The following TEX15 variants were observed in gnomAD, a reference collection of about 807,000 sequenced individuals.
The protein encoded by TEX15 is testis expressed 15, meiosis and synapsis associated.
A neutral mutation model predicts 237.3 loss-of-function variants in TEX15; 171 were observed. That is an observed-to-expected ratio of 0.72 (90% CI 0.64 to 0.82). The LOEUF (loss-of-function observed/expected upper bound fraction) is 0.82, where lower values mean the gene tolerates loss of function less well. TEX15 is among the 40% of genes least tolerant of loss of function. TEX15 has a pLI of 0.00. For synonymous variants in TEX15, 1,338 were observed against 1,269.8 expected, an observed-to-expected ratio of 1.05 and a Z score of -1.14; for missense variants, 3,750 against 3,646.5, an observed-to-expected ratio of 1.03 and a Z score of -0.73.
Position 30,848,850 on chromosome 8 carries a change from TCTC to T in TEX15, c.1314_1316del (p.Arg439del), listed in dbSNP as rs764165976. 57 of 1,614,048 alleles carry T rather than the reference TCTC, an allele frequency of 3.5e-5. No homozygotes were observed. Among genetic ancestry groups the T allele is most frequent in the Non-Finnish European group, 4.5e-5 (53 of 1,180,046 alleles). ...TACTCTGTTCTCCCATACTTTCTTC[TCTC>T]CTCATCAGTCTTGGGTCTTTGATGG... On this transcript the variant is annotated inframe_deletion, in exon 8 of 11. Transcript: ENST00000643185.
At chr8:30,861,780 A>C (rs1808055623) in intron 5 of TEX15, among the ~76,000 whole-genome samples, 1 of 152,160 alleles carries the variant, frequency 6.6e-6, no homozygotes, top group African/African-American at 2.4e-5. Context: ...TACAGAGAGA[A>C]GCCTAGCTCT....
intron 3 of TEX15, chr8:30,886,955 G>T: frequency 2.5e-6 from 1 of 402,954 alleles, no homozygotes; most frequent in South Asian, 7.8e-5. Flanking sequence ...TCATAAAAAT[G>T]TCCAGGGTTT....
chr8:30,841,084 A>AT (rs1418375506), intron 8 of TEX15, among the ~76,000 whole-genome samples: 2 of 151,978 alleles, frequency 1.3e-5, no homozygotes, highest in African/African-American at 2.4e-5. Context: ...TGTCTGGCTA[A>AT]TTTTTTGTTA....
chr8:30,856,953 C>A (rs1807924718), intron 7 of TEX15, among the ~76,000 whole-genome samples: 1 of 151,892 alleles, frequency 6.6e-6, no homozygotes, highest in Non-Finnish European at 1.5e-5. Context: ...CAGCAAAGGA[C>A]CAGAAACAAA....
chr8:30,905,793 G>T (rs1323916459), intron 1 of TEX15, among the ~76,000 whole-genome samples: 1 of 148,500 alleles, frequency 6.7e-6, no homozygotes, highest in Non-Finnish European at 1.5e-5. Flanking sequence ...ATTCCCAGCT[G>T]CTCGGGATGC....
intron 1 of TEX15, among the ~76,000 whole-genome samples, chr8:30,909,284 T>C (rs1809170481): frequency 6.6e-6 from 1 of 152,076 alleles, no homozygotes; most frequent in Non-Finnish European, 1.5e-5. Context: ...AACAGAGCTA[T>C]GCAAAACTGG....
At chr8:30,888,632 G>A (rs754220694) in intron 2 of TEX15, 23 of 1,289,308 alleles carry the variant, frequency 1.8e-5, no homozygotes, top group African/African-American at 7.6e-5. Context: ...GGTATTTTTC[G>A]TACCATTTCG....
chr8:30,860,059 T>TAAAA lies in TEX15; in HGVS notation c.541-6_541-3dup. 1 of 1,154,852 alleles carries TAAAA rather than the reference T, an allele frequency of 8.7e-7. No homozygotes were observed. The highest frequency in any genetic ancestry group is 1.1e-6 in the Non-Finnish European group (1 of 884,592). 71.5% of individuals were successfully genotyped at this position (1,154,852 alleles called of 1,614,324 possible). A position where few individuals can be genotyped will look rare whatever the true frequency, so the allele number is the denominator to read the frequency against. ...TTTCTTCACTTTTCCAAAGAGAACC[T>TAAAA]AAAAAAAAAAAAGCCAAAAAAAAAG... is the stretch of plus-strand genomic sequence containing the variant. On this transcript the variant is annotated splice_region_variant and splice_polypyrimidine_tract_variant and intron_variant, in intron 5 of 10. Transcript: ENST00000643185.
Position 30,845,543 on chromosome 8 carries a change from T to C in TEX15, c.4624A>G (p.Ser1542Gly), listed in dbSNP as rs1391321312. 2 of 1,613,564 alleles carry C rather than the reference T, an allele frequency of 1.2e-6. No individual in the cohort carries two copies. The highest frequency in any genetic ancestry group is 2.7e-5 in the African/African-American group (2 of 74,910). The change falls in exon 8 of 11, where the codon AGT (serine) becomes GGT (glycine). Residue 1542 changes from serine (S) to glycine (G), a missense_variant. Transcript: ENST00000643185. ...AAGGGCTGATGTTCTTCTGATAAACTTGGATTGCTTACACTGCTATTATAA... is the reference window on the plus strand; with the variant it reads ...AAGGGCTGATGTTCTTCTGATAAACCTGGATTGCTTACACTGCTATTATAA... ...VYYNSSVSNP[S>G]LSEEHQPFSG...
At position 30,858,810 on chromosome 8, in the gene TEX15, ACTGTATTCATAGAAGTACAC is replaced by A; in HGVS notation, c.688_707del (p.Val230CysfsTer8). ...GTTTATCTACAGGCTTTGAAAGGAC[ACTGTATTCATAGAAGTACAC>A]CTGAAAGATGAAAACAGGTTCATGC... On this transcript the variant is annotated frameshift_variant and splice_region_variant, in exon 7 of 11. Transcript: ENST00000643185. LOFTEE classifies it high-confidence loss of function. 1.3e-6 allele frequency: 2 copies of A among 1,534,168 alleles called. No homozygotes were observed. The highest frequency in any genetic ancestry group is 1.7e-6 in the Non-Finnish European group (2 of 1,146,212).
intron 1 of TEX15, among the ~76,000 whole-genome samples, 168 bp downstream of exon 1, chr8:30,912,711 T>A (rs893037251): frequency 2.0e-5 from 3 of 152,220 alleles, no homozygotes; most frequent in Non-Finnish European, 2.9e-5. Flanking sequence ...TTAACATTTT[T>A]AAAAAATTTA....
intron 7 of TEX15, among the ~76,000 whole-genome samples, chr8:30,857,017 T>C (rs1409512394): frequency 6.6e-6 from 1 of 152,196 alleles, no homozygotes; most frequent in African/African-American, 2.4e-5. Context: ...GTATTTTTTC[T>C]CTCTCATACA....
intron 3 of TEX15, among the ~76,000 whole-genome samples, chr8:30,882,736 T>TA (rs1171440692): frequency 5.3e-5 from 8 of 152,238 alleles, no homozygotes; most frequent in African/African-American, 1.9e-4. Flanking sequence ...TTGACAGTGT[T>TA]AGATTCTTCA....
At chr8:30,836,782 G>C in intron 10 of TEX15, 21 bp downstream of exon 10, 1 of 1,556,594 alleles carries the variant, frequency 6.4e-7, no homozygotes, top group Non-Finnish European at 8.7e-7. Flanking sequence ...AATAAAGCAG[G>C]CATTAAAATG....
At chr8:30,841,978 A>C (rs10087920) in intron 8 of TEX15, 26 bp downstream of exon 8, 1 of 1,468,668 alleles carries the variant, frequency 6.8e-7, no homozygotes, top group Non-Finnish European at 9.1e-7. Flanking sequence ...AATACTTATA[A>C]AAGTTTTGTT....
chr8:30,846,500 C>G lies in TEX15; in HGVS notation c.3667G>C (p.Asp1223His), dbSNP rs191470859. ...GGCCCTGATTCTTGCCTTATATTAT[C>G]AACTTTATCTTCACATGGATAATCT... ...NADYPCEDKV[D>H]NIRQESGPVS... The change falls in exon 8 of 11, where the codon GAT becomes CAT. Residue 1223 changes from aspartate (D) to histidine (H), a missense_variant. Transcript: ENST00000643185. The G allele has an allele frequency of 6.2e-6, 10 of 1,613,542 alleles. No individual in the cohort carries two copies. The East Asian group carries it at 1.1e-4, about 18-fold the overall frequency.
chr8:30,834,145 C>G (rs889027889), intron 10 of TEX15, among the ~76,000 whole-genome samples: 1 of 152,098 alleles, frequency 6.6e-6, no homozygotes, highest in Admixed American at 6.6e-5. Flanking sequence ...AAAGCAGAGT[C>G]ATGGACTTTG....
At chr8:30,858,141 T>TTTA (rs1807950528) in intron 7 of TEX15, among the ~76,000 whole-genome samples, 1 of 152,202 alleles carries the variant, frequency 6.6e-6, no homozygotes, top group Non-Finnish European at 1.5e-5. Context: ...GGAATACTCT[T>TTTA]TCCATTTATC....
At chr8:30,889,954 C>CACATAT (rs1554502343) in intron 2 of TEX15, among the ~76,000 whole-genome samples, 1,527 of 110,088 alleles carry the variant, frequency 0.014, 98 homozygotes, top group African/African-American at 0.064. Flanking sequence ...TATATATATA[C>CACATAT]ATATATATAT....
Sources: allele counts gnomAD v4.1 joint callset (sites outside exome capture counted in the v4.1 genomes callset), GRCh38; gene constraint gnomAD v4.1.1; transcripts MANE v1.5; gene names NCBI Gene and HGNC (gene_info 2026-07-23, HGNC 2026-07-21).